SIL1: variants seen among roughly 807,000 people sequenced by gnomAD.
SIL1 encodes the protein SIL1 nucleotide exchange factor, also known as nucleotide exchange factor SIL1.
SIL1 carries 40 observed loss-of-function variants against 49.1 expected under a neutral mutation model. That is an observed-to-expected ratio of 0.81 (90% CI 0.63 to 1.06). The LOEUF (loss-of-function observed/expected upper bound fraction) is 1.06, where lower values mean the gene tolerates loss of function less well. Among genes scored for constraint, SIL1 ranks in the 50% least tolerant of loss-of-function variants. The probability of loss-of-function intolerance (pLI) is 0.00; values close to 1 mark genes in which losing one functional copy is unlikely to be tolerated. For missense variants in SIL1, 500 were observed against 572.6 expected (o/e 0.87, Z 1.29); for synonymous variants, 253 against 250.8 (o/e 1.01, Z -0.08).
In SIL1 at chr5:139,180,381, CAAAAAAAAAAAAA is replaced by C. The variant is rs35534058; in HGVS notation, c.-11+17875_-11+17887del. On this transcript the variant is annotated intron_variant, in intron 1 of 9. Transcript: ENST00000394817. ...GGGCAACAAGAGCAAAACTCCATCTCAAAAAAAAAAAAAAAAAAAAAAAAATCATACCCAGCTT... is the reference window on the plus strand; with the variant it reads ...GGGCAACAAGAGCAAAACTCCATCTCAAAAAAAAAAAATCATACCCAGCTT... Among the ~76,000 whole-genome samples, 53 of 57,052 alleles carry C rather than the reference CAAAAAAAAAAAAA, an allele frequency of 9.3e-4. 1 individual carries two copies. The highest frequency in any genetic ancestry group is 6.6e-4 in the Admixed American group (3 of 4,562). The allele number at this position is 57,052 out of a possible 152,430, so 37.4% of individuals were successfully genotyped here.
intron 3 of SIL1, among the ~76,000 whole-genome samples, chr5:139,087,150 A>G (rs1422906748): frequency 6.6e-6 from 1 of 151,824 alleles, no homozygotes; most frequent in Non-Finnish European, 1.5e-5. Flanking sequence ...TTCTTTCTTC[A>G]TCCCCAACTC....
chr5:139,189,482 C>T (rs971078320), intron 1 of SIL1, among the ~76,000 whole-genome samples: 1 of 152,180 alleles, frequency 6.6e-6, no homozygotes, highest in African/African-American at 2.4e-5. Flanking sequence ...AGGGCTCCCA[C>T]TAAGTCTACA....
At chr5:138,995,686 C>CCAAATTTGTAACCAAACTGTA (rs1767852769) in intron 7 of SIL1, among the ~76,000 whole-genome samples, 1 of 152,174 alleles carries the variant, frequency 6.6e-6, no homozygotes, top group Non-Finnish European at 1.5e-5. Flanking sequence ...ATATTTGTAA[C>CCAAATTTGTAACCAAACTGTA]TATTAACCAA....
intron 5 of SIL1, among the ~76,000 whole-genome samples, chr5:139,039,901 G>A (rs1328494338): frequency 2.6e-5 from 4 of 152,164 alleles, no homozygotes; most frequent in African/African-American, 9.7e-5. Flanking sequence ...AAATCTGCTG[G>A]GAGAGACAGC....
At chr5:139,134,384 T>A (rs946435210) in intron 1 of SIL1, among the ~76,000 whole-genome samples, 1 of 152,154 alleles carries the variant, frequency 6.6e-6, no homozygotes, top group Non-Finnish European at 1.5e-5. Flanking sequence ...GATCCACCCA[T>A]GTCAGCCTCC....
intron 7 of SIL1, among the ~76,000 whole-genome samples, chr5:138,997,712 C>G (rs1767901447): frequency 6.6e-6 from 1 of 152,238 alleles, no homozygotes; most frequent in Non-Finnish European, 1.5e-5. Flanking sequence ...GCGTGTGCCA[C>G]TATGCCTGGC....
At chr5:139,023,043 A>G (rs1344117710) in intron 6 of SIL1, among the ~76,000 whole-genome samples, 1 of 152,228 alleles carries the variant, frequency 6.6e-6, no homozygotes, top group Admixed American at 6.5e-5. Context: ...AACACAGCCC[A>G]GAATCATGGA....
chr5:139,031,635 C>CA (rs1288073529), intron 5 of SIL1, among the ~76,000 whole-genome samples: 2 of 152,128 alleles, frequency 1.3e-5, no homozygotes, highest in South Asian at 2.1e-4. Context: ...AGCTCATCTA[C>CA]AAAAAAATCC....
chr5:139,124,486 G>T (rs1459101592), intron 2 of SIL1, among the ~76,000 whole-genome samples: 1 of 152,160 alleles, frequency 6.6e-6, no homozygotes, highest in Non-Finnish European at 1.5e-5. Flanking sequence ...TTTTAGTGGA[G>T]ATTGACACAA....
chr5:139,088,084 C>A (rs1445825743), intron 3 of SIL1, among the ~76,000 whole-genome samples: 2 of 152,218 alleles, frequency 1.3e-5, no homozygotes, highest in Non-Finnish European at 2.9e-5. Context: ...GCTAAGCAAT[C>A]ATTAGGCCCG....
chr5:139,171,015 C>T (rs1408091304), intron 1 of SIL1, among the ~76,000 whole-genome samples: 2 of 150,244 alleles, frequency 1.3e-5, no homozygotes, highest in African/African-American at 4.9e-5. Flanking sequence ...TCTGCCCAGC[C>T]GCCCCTACTG....
chr5:139,103,757 G>A (rs1162774513), intron 3 of SIL1, among the ~76,000 whole-genome samples: 6 of 152,192 alleles, frequency 3.9e-5, no homozygotes, highest in Admixed American at 1.3e-4. Flanking sequence ...GTCAGCATAA[G>A]CATGAAGTTC....
rs1351029189 is a variant in SIL1, at chr5:138,991,107, C to T, written c.767+30064G>A. 2.0e-5 allele frequency among the ~76,000 whole-genome samples: 3 copies of T among 152,206 alleles called. No individual in the cohort carries two copies. The East Asian group carries it at 5.8e-4, about 29-fold the overall frequency. ...TCATGACAGGAGTCTCTATAGCCTA[C>T]ACCATCCTGCAATTGCCAGTCAGAA... On this transcript the variant is annotated intron_variant, in intron 7 of 9. Transcript: ENST00000394817.
intron 3 of SIL1, among the ~76,000 whole-genome samples, chr5:139,098,651 G>A (rs1438949431): frequency 6.6e-6 from 1 of 151,996 alleles, no homozygotes; most frequent in Admixed American, 6.6e-5. Context: ...ACAAGGTGAA[G>A]AGACAACCCA....
At chr5:139,128,549 T>G (rs1453135322) in intron 1 of SIL1, among the ~76,000 whole-genome samples, 1 of 151,484 alleles carries the variant, frequency 6.6e-6, no homozygotes, top group African/African-American at 2.4e-5. Flanking sequence ...TGTGGAAGGC[T>G]GAGGCAGGAA....
At chr5:139,156,256 A>C (rs566067244) in intron 1 of SIL1, among the ~76,000 whole-genome samples, 1 of 152,238 alleles carries the variant, frequency 6.6e-6, no homozygotes, top group African/African-American at 2.4e-5. Flanking sequence ...AGAATATTTG[A>C]TAATCATTTT....
chr5:139,010,216 T>G (rs1768221522), intron 7 of SIL1, among the ~76,000 whole-genome samples: 1 of 149,466 alleles, frequency 6.7e-6, no homozygotes, highest in Non-Finnish European at 1.5e-5. Context: ...ATTCATTTCA[T>G]CTTCCATTAC....
At chr5:138,959,239 G>A (rs1766966336) in intron 7 of SIL1, among the ~76,000 whole-genome samples, 1 of 152,150 alleles carries the variant, frequency 6.6e-6, no homozygotes, top group Admixed American at 6.5e-5. Flanking sequence ...CTCAGAGAAC[G>A]TGGCTCCGAA....
intron 3 of SIL1, among the ~76,000 whole-genome samples, chr5:139,098,427 T>C (rs1420680481): frequency 6.6e-6 from 1 of 152,188 alleles, no homozygotes; most frequent in Non-Finnish European, 1.5e-5. Context: ...TCTCTCACCA[T>C]ATACAAAAAT....
Sources: allele counts gnomAD v4.1 joint callset (sites outside exome capture counted in the v4.1 genomes callset), GRCh38; gene constraint gnomAD v4.1.1; transcripts MANE v1.5; gene names NCBI Gene and HGNC (gene_info 2026-07-23, HGNC 2026-07-21).